SGCZ: variants seen among roughly 807,000 people sequenced by gnomAD.
The protein encoded by SGCZ is zeta-sarcoglycan.
Under a neutral mutation model 41.3 loss-of-function variants are expected in SGCZ, and 40 were observed. The observed-to-expected ratio is 0.97, with a 90% confidence interval of 0.75 to 1.26. The LOEUF is 1.26. Ranked by LOEUF, SGCZ falls within the 50% of genes most tolerant of loss-of-function variation. The pLI, the probability that SGCZ is intolerant of heterozygous loss-of-function variation, is 0.00. For missense variants in SGCZ, 552 were observed against 369.8 expected (o/e 1.49, Z -4.04); for synonymous variants, 206 against 137.5 (o/e 1.50, Z -3.49).
At chr8:14,964,003 A>C (rs1187569432) in intron 1 of SGCZ, among the ~76,000 whole-genome samples, 1 of 152,208 alleles carries the variant, frequency 6.6e-6, no homozygotes, top group East Asian at 1.9e-4. Flanking sequence ...AGCGTAAATA[A>C]AACCCTTCTC....
intron 4 of SGCZ, among the ~76,000 whole-genome samples, chr8:14,197,435 A>C (rs1231591503): frequency 1.3e-5 from 2 of 152,118 alleles, no homozygotes; most frequent in Admixed American, 1.3e-4. Context: ...AGCAATATTA[A>C]TAAAAATGAT....
At chr8:15,145,619 A>G (rs1026900339) in intron 1 of SGCZ, among the ~76,000 whole-genome samples, 1 of 152,058 alleles carries the variant, frequency 6.6e-6, no homozygotes, top group African/African-American at 2.4e-5. Context: ...GGTACACACC[A>G]TCTGATTTTC....
intron 1 of SGCZ, among the ~76,000 whole-genome samples, chr8:14,885,291 G>C (rs899880703): frequency 3.9e-4 from 60 of 152,138 alleles, no homozygotes; most frequent in African/African-American, 1.4e-3. Flanking sequence ...GATTCATAGT[G>C]GGTGTTTGGG....
intron 1 of SGCZ, among the ~76,000 whole-genome samples, chr8:14,756,822 G>A (rs997199801): frequency 1.3e-5 from 2 of 152,138 alleles, no homozygotes; most frequent in Non-Finnish European, 2.9e-5. Flanking sequence ...TCTGATGTCA[G>A]TGTTATTTAA....
chr8:14,340,343 A>T (rs2117075854), intron 2 of SGCZ, among the ~76,000 whole-genome samples: 1 of 152,242 alleles, frequency 6.6e-6, no homozygotes, highest in South Asian at 2.1e-4. Flanking sequence ...TTATGATCCA[A>T]TTACAGCAAC....
chr8:14,593,827 C>T (rs1805317162), intron 1 of SGCZ, among the ~76,000 whole-genome samples: 1 of 152,084 alleles, frequency 6.6e-6, no homozygotes, highest in Non-Finnish European at 1.5e-5. Flanking sequence ...TTTGAGAAGT[C>T]AGCAGTTTTC....
intron 1 of SGCZ, among the ~76,000 whole-genome samples, chr8:14,580,801 G>T (rs577507556): frequency 2.6e-5 from 4 of 152,312 alleles, no homozygotes; most frequent in African/African-American, 9.6e-5. Context: ...GTGCCATTCT[G>T]ATTAAATTGC....
chr8:14,110,166 G>T (rs1488097323), intron 5 of SGCZ, among the ~76,000 whole-genome samples: 1 of 152,038 alleles, frequency 6.6e-6, no homozygotes, highest in Non-Finnish European at 1.5e-5. Context: ...TGATTATAGT[G>T]GGGATAGCAT....
At chr8:15,153,314 C>T (rs1439347451) in intron 1 of SGCZ, among the ~76,000 whole-genome samples, 1 of 152,154 alleles carries the variant, frequency 6.6e-6, no homozygotes, top group Admixed American at 6.6e-5. Context: ...ATATGCCTAA[C>T]ATATATACTG....
intron 1 of SGCZ, among the ~76,000 whole-genome samples, chr8:14,970,344 G>A (rs938859835): frequency 4.6e-5 from 7 of 152,088 alleles, no homozygotes; most frequent in African/African-American, 9.7e-5. Flanking sequence ...GAAGAGCAGA[G>A]CTTTTAAATA....
At chr8:14,748,237 C>T (rs1248207630) in intron 1 of SGCZ, among the ~76,000 whole-genome samples, 1 of 152,066 alleles carries the variant, frequency 6.6e-6, no homozygotes, top group East Asian at 1.9e-4. Flanking sequence ...TACTAATTAT[C>T]TTCATGTTAC....
intron 1 of SGCZ, among the ~76,000 whole-genome samples, chr8:14,836,864 G>A (rs4240174): frequency 0.41 from 62,807 of 151,840 alleles, 13,325 homozygotes; most frequent in East Asian, 0.56. Flanking sequence ...AATATCTTAT[G>A]GCTACTACTT....
chr8:15,133,921 A>G (rs1808010785), intron 1 of SGCZ, among the ~76,000 whole-genome samples: 1 of 152,186 alleles, frequency 6.6e-6, no homozygotes, highest in Admixed American at 6.5e-5. Flanking sequence ...TAAGCCTGGT[A>G]TTAGGCATCT....
chr8:14,634,027 C>G (rs561826280), intron 1 of SGCZ, among the ~76,000 whole-genome samples: 1 of 151,812 alleles, frequency 6.6e-6, no homozygotes, highest in Non-Finnish European at 1.5e-5. Context: ...TTCCAGAAAT[C>G]TTGACAAAGA....
At chr8:14,812,906 A>C (rs1038634463) in intron 1 of SGCZ, among the ~76,000 whole-genome samples, 1 of 152,196 alleles carries the variant, frequency 6.6e-6, no homozygotes, top group African/African-American at 2.4e-5. Flanking sequence ...TCTTCCTTTG[A>C]GGATATTCCC....
intron 5 of SGCZ, among the ~76,000 whole-genome samples, chr8:14,138,342 C>A (rs182977666): frequency 1.3e-5 from 2 of 152,020 alleles, no homozygotes; most frequent in Non-Finnish European, 2.9e-5. Context: ...ACAATATTAA[C>A]CTTAAATGTA....
intron 2 of SGCZ, among the ~76,000 whole-genome samples, chr8:14,383,857 A>G (rs1343538710): frequency 2.0e-5 from 3 of 152,184 alleles, no homozygotes; most frequent in African/African-American, 7.2e-5. Flanking sequence ...ATTATTTGGC[A>G]GGAAGAGTGG....
rs73517293 is a variant in SGCZ at position 14,603,064 on chromosome 8, G to T, written c.40-48138C>A. On this transcript the variant is annotated intron_variant, in intron 1 of 7. Coordinates refer to ENST00000382080, the MANE Select transcript of SGCZ (RefSeq NM_139167.4). The stretch of plus-strand genomic sequence containing the variant: ...AGACACTAGGAGGATTCTAGTAGGG[G>T]ACTTGACATACGCCGGGGGCAACCC... Among the ~76,000 whole-genome samples the T allele has an allele frequency of 7.6e-3, 1,163 of 152,242 alleles. 16 individuals are homozygous for T. The highest frequency in any genetic ancestry group is 0.027 in the African/African-American group (1,108 of 41,550).
intron 1 of SGCZ, among the ~76,000 whole-genome samples, chr8:14,978,500 A>G (rs1374157533): frequency 7.6e-6 from 1 of 131,458 alleles, no homozygotes; most frequent in Non-Finnish European, 1.6e-5. Context: ...AAAAAAAAAA[A>G]AAAAAATTGT....
Sources: allele counts gnomAD v4.1 joint callset (sites outside exome capture counted in the v4.1 genomes callset), GRCh38; gene constraint gnomAD v4.1.1; transcripts MANE v1.5; gene names NCBI Gene and HGNC (gene_info 2026-07-23, HGNC 2026-07-21).